Variants in TANC2 observed in about 807,000 individuals in gnomAD.
TANC2 encodes protein TANC2.
TANC2 carries 26 observed loss-of-function variants against 210.5 expected under a neutral mutation model. That is an observed-to-expected ratio of 0.12 (90% confidence interval 0.09 to 0.17). TANC2 has a LOEUF of 0.17. TANC2 is among the 10% of genes least tolerant of loss of function. The pLI, the probability that TANC2 is intolerant of heterozygous loss-of-function variation, is 1.00. For missense variants in TANC2, 2,129 were observed against 2,608.9 expected, an observed-to-expected ratio of 0.82 and a Z score of 4.01; for synonymous variants, 931 against 967.1, an observed-to-expected ratio of 0.96 and a Z score of 0.69.
In TANC2 at chr17:63,420,478, G is replaced by A. The variant is rs1310824455; in HGVS notation, c.4748G>A (p.Arg1583Lys). ...CCAACTCATCAGAACTCACATTACA[G>A]GCCTAGCCCACCACACACTTCCCCG... The change falls in exon 28 of 28, where the codon AGG becomes AAG. Residue 1583 changes from arginine (R) to lysine (K), a missense_variant. Arg to Lys is a conservative substitution (Grantham distance 26). Around this residue, in one of 5 missense-constraint regions of TANC2, gnomAD observed 584 missense variants for 627.3 expected, o/e 0.93. Coordinates refer to ENST00000689528, the Ensembl canonical transcript of TANC2. This position sits in a 1 kb window ranked among gnomAD's most constrained non-coding sequence, Gnocchi z 4.2. The A allele has an allele frequency of 1.2e-6, 2 of 1,613,938 alleles. No homozygotes were observed. Among genetic ancestry groups the A allele is most frequent in the Non-Finnish European group, 1.7e-6 (2 of 1,179,878 alleles).
intron 8 of TANC2, among the ~76,000 whole-genome samples, chr17:63,257,851 T>C (rs2043242720): frequency 6.6e-6 from 1 of 152,248 alleles, no homozygotes; most frequent in South Asian, 2.1e-4. Flanking sequence ...AAAGTAGTTA[T>C]TATATTTGAT....
rs143612286 is a variant in TANC2 at position 63,291,425 on chromosome 17, T to C, written c.1160-22963T>C. ...TATTAGCTTTATTCACAAATCCGTT[T>C]ACTAAACATTATGGAATGTACATAC... On this transcript the variant is annotated intron_variant, in intron 9 of 27. Transcript: ENST00000689528. Among the ~76,000 whole-genome samples, 6 of 152,356 alleles carry C rather than the reference T, an allele frequency of 3.9e-5. No individual in the cohort carries two copies. The East Asian group carries it at 1.2e-3, about 29-fold the overall frequency.
At chr17:63,195,147 G>A (rs1001330434) in intron 6 of TANC2, among the ~76,000 whole-genome samples, 9 of 152,050 alleles carry the variant, frequency 5.9e-5, no homozygotes, top group African/African-American at 2.2e-4. Context: ...TCACTCCTTA[G>A]GTTATTGGTT....
At chr17:63,402,895 T>C (rs2048385776) in intron 19 of TANC2, among the ~76,000 whole-genome samples, 1 of 152,266 alleles carries the variant, frequency 6.6e-6, no homozygotes, top group Non-Finnish European at 1.5e-5. Flanking sequence ...AACTCCTTGC[T>C]CTTGGATTTT....
intron 1 of TANC2, among the ~76,000 whole-genome samples, chr17:62,987,283 C>A (rs1320077347): frequency 6.6e-6 from 1 of 152,076 alleles, no homozygotes; most frequent in Admixed American, 6.6e-5. Context: ...GTGTGGAATT[C>A]GTAGTATAAA....
At chr17:63,326,245 A>G (rs2045640039) in intron 11 of TANC2, among the ~76,000 whole-genome samples, 1 of 152,254 alleles carries the variant, frequency 6.6e-6, no homozygotes, top group African/African-American at 2.4e-5. Context: ...GTGGACACTT[A>G]GTGTATGATG....
Position 63,412,622 on chromosome 17 carries a change from A to ACCTTCATCCATTTTTTTTTCCT in TANC2, c.3899-56_3899-35dup. 1 of 1,333,742 alleles carries ACCTTCATCCATTTTTTTTTCCT rather than the reference A, an allele frequency of 7.5e-7. No individual in the cohort carries two copies. The highest frequency in any genetic ancestry group is 2.6e-5 in the East Asian group (1 of 38,568). 82.6% of individuals were successfully genotyped at this position (1,333,742 alleles called of 1,614,324 possible). A position where few individuals can be genotyped will look rare whatever the true frequency, so the allele number is the denominator to read the frequency against. On this transcript the variant is annotated intron_variant, in intron 23 of 27. Transcript: ENST00000689528. This position sits in a 1 kb window ranked among gnomAD's most constrained non-coding sequence, Gnocchi z 4.2. ...CTTTTTCCTTCTTTTTTTTTTTTTC[A>ACCTTCATCCATTTTTTTTTCCT]CCTTCATCCATTTTTTTTTCCTCTC...
intron 4 of TANC2, among the ~76,000 whole-genome samples, chr17:63,108,082 G>A (rs1014428398): frequency 6.6e-6 from 1 of 151,694 alleles, no homozygotes; most frequent in African/African-American, 2.4e-5. Context: ...TCAAAAATCA[G>A]ACCTTGGCCA....
At chr17:63,111,517 GGGGCTCTATTC>G (rs1418264700) in intron 4 of TANC2, among the ~76,000 whole-genome samples, 7 of 152,024 alleles carry the variant, frequency 4.6e-5, no homozygotes, top group Admixed American at 4.6e-4. Context: ...CTTCTCAACT[GGGGCTCTATTC>G]TTCGTGGACA....
intron 5 of TANC2, among the ~76,000 whole-genome samples, chr17:63,168,495 A>T (rs186527624): frequency 2.8e-4 from 42 of 152,320 alleles, no homozygotes; most frequent in Admixed American, 2.7e-3. Flanking sequence ...TATGAAAAAC[A>T]TCTCAGACCA....
At chr17:63,172,054 A>C (rs950488421) in intron 5 of TANC2, among the ~76,000 whole-genome samples, 2 of 152,206 alleles carry the variant, frequency 1.3e-5, no homozygotes, top group African/African-American at 4.8e-5. Flanking sequence ...TATCCAGTAC[A>C]ATAACTGCCT....
intron 2 of TANC2, among the ~76,000 whole-genome samples, chr17:63,015,982 G>A (rs1306059139): frequency 6.6e-6 from 1 of 151,990 alleles, no homozygotes; most frequent in Non-Finnish European, 1.5e-5. Flanking sequence ...TATGCTGGTG[G>A]GGGTGGGGAG....
At chr17:63,395,924 C>T (rs557700809) in exon 18 of TANC2, 1 of 1,606,682 alleles carries the variant, frequency 6.2e-7, no homozygotes, top group East Asian at 2.2e-5. Flanking sequence ...ATGGGTTATA[C>T]TGAGGTAAGA....
At chr17:63,358,976 T>TTGTGTGTGTGTG (rs34338483) in intron 14 of TANC2, among the ~76,000 whole-genome samples, 1,984 of 147,890 alleles carry the variant, frequency 0.013, 25 homozygotes, top group South Asian at 0.044. Context: ...AGATTAATAT[T>TTGTGTGTGTGTG]TGTGTGTGTG....
At chr17:63,260,465 G>A (rs1210572149) in intron 8 of TANC2, among the ~76,000 whole-genome samples, 1 of 152,236 alleles carries the variant, frequency 6.6e-6, no homozygotes, top group African/African-American at 2.4e-5. Flanking sequence ...ATTATCATTT[G>A]CTGGTGTTTA....
chr17:63,172,437 C>A (rs1322327275), intron 5 of TANC2, among the ~76,000 whole-genome samples: 1 of 152,058 alleles, frequency 6.6e-6, no homozygotes, highest in Non-Finnish European at 1.5e-5. Flanking sequence ...CCACCTCAGC[C>A]TTCCAAGGTA....
At chr17:63,013,904 T>C (rs1453642222) in intron 2 of TANC2, among the ~76,000 whole-genome samples, 2 of 152,168 alleles carry the variant, frequency 1.3e-5, no homozygotes, top group Non-Finnish European at 2.9e-5. Context: ...TTTTAATTTT[T>C]CTCTCATTTT....
At chr17:63,147,804 A>G (rs547052464) in intron 4 of TANC2, among the ~76,000 whole-genome samples, 51 of 152,308 alleles carry the variant, frequency 3.3e-4, no homozygotes, top group African/African-American at 1.2e-3. Flanking sequence ...TATTTTCTTC[A>G]ACATGATTCC....
At chr17:63,234,310 G>A (rs1397515734) in intron 7 of TANC2, among the ~76,000 whole-genome samples, 1 of 152,098 alleles carries the variant, frequency 6.6e-6, no homozygotes, top group African/African-American at 2.4e-5. Flanking sequence ...TAAATACTAT[G>A]TCCTCTCATT....
Sources: gnomAD v4.1 joint callset for allele counts (sites outside exome capture counted in the v4.1 genomes callset) on GRCh38, gnomAD v4.1.1 for gene constraint, gnomAD v4.1.1 regional missense constraint, Gnocchi (gnomAD v3.1) non-coding constraint, MANE v1.5 for transcripts, NCBI Gene and HGNC (gene_info 2026-07-23, HGNC 2026-07-21) for gene names.